The following RPS6KC1 variants were observed in gnomAD, a reference collection of about 807,000 sequenced individuals.
RPS6KC1 encodes ribosomal protein S6 kinase C1, also known as inactive ribosomal protein S6 kinase delta-1.
In RPS6KC1, 54 loss-of-function variants were observed where a neutral mutation model predicts 103.8. The observed-to-expected ratio is 0.52, with a 90% CI of 0.42 to 0.65. The LOEUF (loss-of-function observed/expected upper bound fraction) is 0.65, where lower values mean the gene tolerates loss of function less well. RPS6KC1 is among the 30% of genes least tolerant of loss of function. RPS6KC1 has a pLI of 0.00. For synonymous variants in RPS6KC1, 439 were observed against 438.7 expected (o/e 1.00, Z -0.01); for missense variants, 1,151 against 1,253.8 (o/e 0.92, Z 1.24).
intron 6 of RPS6KC1, among the ~76,000 whole-genome samples, chr1:213,135,886 G>A (rs1381305027): frequency 1.3e-5 from 2 of 152,146 alleles, no homozygotes; most frequent in African/African-American, 4.8e-5. Flanking sequence ...TGAAAAGAGA[G>A]TTGCTTTTTA....
At chr1:213,591,744 G>A in the RPS6KC1 span, among the ~76,000 whole-genome samples, 1 of 152,218 alleles carries the variant, frequency 6.6e-6, no homozygotes, top group African/African-American at 2.4e-5. Flanking sequence ...AGTAAGGGAG[G>A]TTAATGAAAC....
the RPS6KC1 span, among the ~76,000 whole-genome samples, chr1:213,598,853 G>A: frequency 5.9e-5 from 9 of 152,116 alleles, no homozygotes; most frequent in East Asian, 3.9e-4. Flanking sequence ...CCTGGGAAGC[G>A]GAGGTTGAGG....
the RPS6KC1 span, among the ~76,000 whole-genome samples, chr1:213,862,338 C>G: frequency 2.4e-4 from 37 of 152,314 alleles, no homozygotes; most frequent in African/African-American, 8.7e-4. Context: ...AGACCTTCCT[C>G]TCTGCCGATG....
At chr1:213,521,669 C>A in the RPS6KC1 span, among the ~76,000 whole-genome samples, 1 of 152,200 alleles carries the variant, frequency 6.6e-6, no homozygotes, top group African/African-American at 2.4e-5. Context: ...ATTTTAAATT[C>A]TTGTTGTTAT....
At chr1:213,226,818 CTA>C (rs1257106967) in intron 8 of RPS6KC1, among the ~76,000 whole-genome samples, 1 of 152,302 alleles carries the variant, frequency 6.6e-6, no homozygotes, top group East Asian at 1.9e-4. Context: ...ACCTGAACCA[CTA>C]TGTTTTCTCT....
the RPS6KC1 span, among the ~76,000 whole-genome samples, chr1:213,377,708 T>C: frequency 2.8e-3 from 422 of 152,304 alleles, 1 homozygote; most frequent in African/African-American, 9.6e-3. Flanking sequence ...CTAAAATCAT[T>C]CAATACGACA....
At chr1:213,364,370 C>T in the RPS6KC1 span, among the ~76,000 whole-genome samples, 1 of 152,184 alleles carries the variant, frequency 6.6e-6, no homozygotes, top group Admixed American at 6.5e-5. Context: ...AATAGTGGAA[C>T]TGGATCTTAA....
At chr1:213,119,628 T>G (rs1373555807) in intron 5 of RPS6KC1, among the ~76,000 whole-genome samples, 1 of 151,502 alleles carries the variant, frequency 6.6e-6, no homozygotes, top group Non-Finnish European at 1.5e-5. Flanking sequence ...ATAATAAGCT[T>G]CTGTTACTAG....
the RPS6KC1 span, among the ~76,000 whole-genome samples, chr1:213,850,785 A>ATTAAG: frequency 7.5e-6 from 1 of 132,942 alleles, no homozygotes; most frequent in Admixed American, 8.0e-5. Context: ...CCCAATGCTT[A>ATTAAG]GCTTACTTGG....
chr1:213,557,557 T>C, the RPS6KC1 span, among the ~76,000 whole-genome samples: 1 of 152,168 alleles, frequency 6.6e-6, no homozygotes, highest in Non-Finnish European at 1.5e-5. Context: ...ATTCTAAATG[T>C]GAAACTGGCC....
the RPS6KC1 span, among the ~76,000 whole-genome samples, chr1:213,511,172 G>A: frequency 7.2e-6 from 1 of 138,658 alleles, no homozygotes; most frequent in Non-Finnish European, 1.5e-5. Flanking sequence ...TTAAAATGTT[G>A]AGGAATGTCT....
chr1:213,733,303 G>T, the RPS6KC1 span, among the ~76,000 whole-genome samples: 1 of 151,214 alleles, frequency 6.6e-6, no homozygotes, highest in Non-Finnish European at 1.5e-5. Flanking sequence ...ACAGTGGTGC[G>T]AACATGGCTC....
At chr1:213,066,747 A>C (rs950898940) in intron 1 of RPS6KC1, among the ~76,000 whole-genome samples, 3 of 152,244 alleles carry the variant, frequency 2.0e-5, no homozygotes, top group Non-Finnish European at 2.9e-5. Flanking sequence ...ATGGGAAAAC[A>C]GGAACTACAG....
the RPS6KC1 span, among the ~76,000 whole-genome samples, chr1:213,570,418 C>T: frequency 6.6e-5 from 10 of 152,198 alleles, no homozygotes; most frequent in East Asian, 1.9e-4. Flanking sequence ...GCCCTTGTTA[C>T]GGACCCACGT....
chr1:213,846,533 C>G, the RPS6KC1 span, among the ~76,000 whole-genome samples: 1 of 152,134 alleles, frequency 6.6e-6, no homozygotes, highest in Non-Finnish European at 1.5e-5. Context: ...GCTAATTACT[C>G]TCTCCTGAAG....
chr1:213,737,466 A>T, the RPS6KC1 span, among the ~76,000 whole-genome samples: 1 of 152,222 alleles, frequency 6.6e-6, no homozygotes, highest in Non-Finnish European at 1.5e-5. Context: ...TTGGAGTTAC[A>T]TGTTATTTCA....
intron 8 of RPS6KC1, among the ~76,000 whole-genome samples, chr1:213,215,137 T>A (rs1311083912): frequency 1.3e-5 from 2 of 152,134 alleles, no homozygotes; most frequent in Non-Finnish European, 2.9e-5. Context: ...TGAAAAAAGA[T>A]TAGACGAATG....
At chr1:213,409,529 T>C in the RPS6KC1 span, among the ~76,000 whole-genome samples, 1 of 152,088 alleles carries the variant, frequency 6.6e-6, no homozygotes, top group Non-Finnish European at 1.5e-5. Context: ...TCTGAAAGTA[T>C]GTTTAGTATT....
At chr1:213,089,919 CA>C (rs1211195745) in intron 3 of RPS6KC1, among the ~76,000 whole-genome samples, 2 of 152,188 alleles carry the variant, frequency 1.3e-5, no homozygotes, top group Non-Finnish European at 2.9e-5. Context: ...GTCTCTGGAT[CA>C]TGTAGCTATT....
Sources: gnomAD v4.1 joint callset for allele counts (sites outside exome capture counted in the v4.1 genomes callset) on GRCh38, gnomAD v4.1.1 for gene constraint, MANE v1.5 for transcripts, NCBI Gene and HGNC (gene_info 2026-07-23, HGNC 2026-07-21) for gene names.